Variants in MDM2 observed in about 807,000 individuals in gnomAD.
MDM2 encodes the protein E3 ubiquitin-protein ligase Mdm2.
A neutral mutation model predicts 64.3 loss-of-function variants in MDM2; 11 were observed. The ratio of observed to expected loss-of-function variants is 0.17; its 90% confidence interval spans 0.11 to 0.28. The LOEUF is 0.28. Among genes scored for constraint, MDM2 ranks in the 10% least tolerant of loss-of-function variants. MDM2 has a pLI of 1.00. For synonymous variants in MDM2, 194 were observed against 192.9 expected (o/e 1.01, Z -0.05); for missense variants, 388 against 577.1 (o/e 0.67, Z 3.36).
At chr12:68,816,742 A>T (rs1422208622) in intron 3 of MDM2, 70 bp from the exon 4 acceptor site, 9 of 1,294,904 alleles carry the variant, frequency 7.0e-6, no homozygotes, top group Non-Finnish European at 8.4e-6. Context: ...GATAAATAGG[A>T]TATTATTAAA....
chr12:68,813,728 T>G, intron 3 of MDM2, 100 bp downstream of exon 3: 1 of 752,376 alleles, frequency 1.3e-6, no homozygotes, highest in Non-Finnish European at 2.2e-6. Flanking sequence ...TAGAAGGATT[T>G]TTCATTAAGC....
chr12:68,826,766 A>G (rs1882371538), intron 7 of MDM2, among the ~76,000 whole-genome samples: 1 of 152,174 alleles, frequency 6.6e-6, no homozygotes, highest in Non-Finnish European at 1.5e-5. Context: ...ATTTATATGT[A>G]GAGATACTAA....
At chr12:68,836,930 T>C (rs900546510) in intron 10 of MDM2, among the ~76,000 whole-genome samples, 181 bp downstream of exon 10, 1 of 151,748 alleles carries the variant, frequency 6.6e-6, no homozygotes, top group Non-Finnish European at 1.5e-5. Flanking sequence ...GCTATAATTT[T>C]TATTTTTAGG....
chr12:68,814,612 G>A (rs1881191549), intron 3 of MDM2: 1 of 408,056 alleles, frequency 2.5e-6, no homozygotes, highest in Admixed American at 3.2e-5. Flanking sequence ...GGACTTCTTG[G>A]GCATCCCTGG....
Position 68,809,289 on chromosome 12 carries a change from C to T in MDM2, c.96C>T (p.Thr32=), listed in dbSNP as rs1437380853. 2 of 1,613,430 alleles carry T rather than the reference C, an allele frequency of 1.2e-6. No individual in the cohort carries two copies. The highest frequency in any genetic ancestry group is 1.7e-6 in the Non-Finnish European group (2 of 1,179,536). ...AGATTCCAGCTTCGGAACAAGAGAC[C>T]CTGGTTAGTATTTTTGTCTCGTGTA... ...TSQIPASEQE[T]LVRPKPLLLK... The change falls in exon 2 of 11, where the codon ACC becomes ACT. Residue 32 remains threonine (T), a synonymous_variant. Transcript: ENST00000258149.
At chr12:68,829,681 G>A (rs1200191103) in intron 8 of MDM2, among the ~76,000 whole-genome samples, 3 of 151,054 alleles carry the variant, frequency 2.0e-5, no homozygotes, top group Admixed American at 6.6e-5. Flanking sequence ...CAGGAGAATC[G>A]CTCGAACCCA....
At chr12:68,823,038 C>T (rs1881997618) in intron 5 of MDM2, among the ~76,000 whole-genome samples, 1 of 152,042 alleles carries the variant, frequency 6.6e-6, no homozygotes, top group Non-Finnish European at 1.5e-5. Context: ...ACTGCACCCA[C>T]CCAGCCTAGG....
chr12:68,816,624 T>A (rs774123658), intron 3 of MDM2, among the ~76,000 whole-genome samples, 188 bp from the exon 4 acceptor site: 1 of 152,200 alleles, frequency 6.6e-6, no homozygotes, highest in African/African-American at 2.4e-5. Flanking sequence ...CCCGAAGTAC[T>A]GGGATTACAG....
At chr12:68,814,523 C>T in intron 3 of MDM2, 1 of 312,068 alleles carries the variant, frequency 3.2e-6, no homozygotes, top group Non-Finnish European at 6.4e-6. Context: ...AAGCTAAATT[C>T]TAGTTAGAAG....
intron 10 of MDM2, 125 bp from the exon 11 acceptor site, chr12:68,839,149 C>A: frequency 1.2e-6 from 1 of 807,154 alleles, no homozygotes; most frequent in Non-Finnish European, 1.9e-6. Context: ...TTATATAAAA[C>A]ATGAAACACT....
At chr12:68,847,181 GTA>G (rs1884360463), downstream of MDM2, 5 of 66,698 alleles carry the variant, frequency 7.5e-5, 1 homozygote, top group African/African-American at 4.4e-4. Context: ...GTTTATGTAT[GTA>G]TGTGTGTGTA....
intron 7 of MDM2, among the ~76,000 whole-genome samples, chr12:68,825,966 TAAATG>T (rs1029323965): frequency 3.4e-4 from 52 of 152,304 alleles, no homozygotes; most frequent in African/African-American, 1.2e-3. Flanking sequence ...GTTTAAAAGT[TAAATG>T]AAAAATAGAA....
chr12:68,832,576 A>G (rs907512137), intron 8 of MDM2, among the ~76,000 whole-genome samples: 1 of 152,028 alleles, frequency 6.6e-6, no homozygotes, highest in Non-Finnish European at 1.5e-5. Context: ...GCAGCGCATG[A>G]TCATGGCTTA....
At chr12:68,812,650 G>T (rs924679668) in intron 2 of MDM2, among the ~76,000 whole-genome samples, 1 of 152,138 alleles carries the variant, frequency 6.6e-6, no homozygotes, top group Non-Finnish European at 1.5e-5. Context: ...GAGTCTCTCA[G>T]TGTGGCCCAG....
chr12:68,836,991 T>A (rs1025373307), intron 10 of MDM2, among the ~76,000 whole-genome samples: 4 of 151,762 alleles, frequency 2.6e-5, no homozygotes, highest in Non-Finnish European at 1.5e-5. Context: ...GTCTTACCCT[T>A]CTCCCAAGCT....
chr12:68,844,366 C>G lies in MDM2; in HGVS notation c.*4517C>G. Reference sequence around the variant, plus strand: ...GCAGCTTGAAGCAGTTGGGAGCCTCCAATGAGAGCAACTTGAGAGAATGAT... The same window carrying G: ...GCAGCTTGAAGCAGTTGGGAGCCTCGAATGAGAGCAACTTGAGAGAATGAT... On this transcript the variant is annotated 3_prime_UTR_variant, in exon 11 of 11. Transcript: ENST00000258149. 1 of 225,016 alleles carries G rather than the reference C, an allele frequency of 4.4e-6. No homozygotes were observed. Among genetic ancestry groups the G allele is most frequent in the East Asian group, 6.4e-5 (1 of 15,588 alleles). 13.9% of individuals were successfully genotyped at this position (225,016 alleles called of 1,614,324 possible).
chr12:68,836,544 A>G (rs1452775657), intron 9 of MDM2, 128 bp from the exon 10 acceptor site: 2 of 723,854 alleles, frequency 2.8e-6, no homozygotes, highest in Non-Finnish European at 2.5e-6. Context: ...CACTTACTCT[A>G]TTTGATATTG....
chr12:68,818,168 T>G (rs1313329558), intron 4 of MDM2, among the ~76,000 whole-genome samples: 1 of 152,118 alleles, frequency 6.6e-6, no homozygotes, highest in Admixed American at 6.5e-5. Flanking sequence ...ATTACATTAA[T>G]AAATGGAATG....
intron 5 of MDM2, among the ~76,000 whole-genome samples, chr12:68,823,011 G>A (rs1275630776): frequency 1.3e-5 from 2 of 152,130 alleles, no homozygotes; most frequent in Non-Finnish European, 2.9e-5. Context: ...AAAGTGCTGG[G>A]ATTACAAGTG....
Sources: gnomAD v4.1 joint callset for allele counts (sites outside exome capture counted in the v4.1 genomes callset) on GRCh38, gnomAD v4.1.1 for gene constraint, MANE v1.5 for transcripts, NCBI Gene and HGNC (gene_info 2026-07-23, HGNC 2026-07-21) for gene names.